Variants in CPED1 observed in about 807,000 individuals in gnomAD.
The protein encoded by CPED1 is cadherin like and PC-esterase domain containing 1.
In CPED1, 114 loss-of-function variants were observed where a neutral mutation model predicts 128.2. That is an observed-to-expected ratio of 0.89 (90% CI 0.76 to 1.04). The LOEUF (loss-of-function observed/expected upper bound fraction) is 1.04, where lower values mean the gene tolerates loss of function less well. Among genes scored for constraint, CPED1 ranks in the 50% least tolerant of loss-of-function variants. The pLI is 0.00. For missense variants in CPED1, 1,211 were observed against 1,207.1 expected, an observed-to-expected ratio of 1.00 and a Z score of -0.05; for synonymous variants, 462 against 426.7, an observed-to-expected ratio of 1.08 and a Z score of -1.02.
chr7:121,124,242 T>G lies in CPED1; in HGVS notation c.919-89T>G, dbSNP rs892400882. The G allele has an allele frequency of 7.0e-6, 9 of 1,278,816 alleles. No individual in the cohort carries two copies. In the African/African-American group the frequency reaches 1.2e-4, roughly 17 times the overall value. The allele number at this position is 1,278,816 out of a possible 1,614,324, so 79.2% of individuals were successfully genotyped here. ...TTGGGTGTGACAAGTAGAGATAACC[T>G]AGAACAATCCTTCAAATTGGTCACC... On this transcript the variant is annotated intron_variant, in intron 7 of 22. Transcript: ENST00000310396.
chr7:121,079,122 A>G (rs913209094), intron 5 of CPED1, among the ~76,000 whole-genome samples: 1 of 152,140 alleles, frequency 6.6e-6, no homozygotes, highest in Non-Finnish European at 1.5e-5. Context: ...ATCTTCACAT[A>G]CACCCATATT....
intron 3 of CPED1, among the ~76,000 whole-genome samples, chr7:121,023,503 T>C (rs970169926): frequency 6.6e-6 from 1 of 152,112 alleles, no homozygotes; most frequent in African/African-American, 2.4e-5. Flanking sequence ...AACTCTACAG[T>C]TCTGTGGTAC....
At chr7:121,156,611 G>A (rs570046577) in intron 16 of CPED1, among the ~76,000 whole-genome samples, 3 of 152,052 alleles carry the variant, frequency 2.0e-5, no homozygotes, top group Admixed American at 6.6e-5. Flanking sequence ...GCATGTTCAC[G>A]TTCATATATG....
intron 5 of CPED1, among the ~76,000 whole-genome samples, chr7:121,084,689 A>G (rs970463105): frequency 6.6e-6 from 1 of 152,258 alleles, no homozygotes; most frequent in African/African-American, 2.4e-5. Flanking sequence ...CTGAGTTTAT[A>G]TGCAAAACCA....
At chr7:121,186,045 A>T (rs1379308076) in intron 16 of CPED1, among the ~76,000 whole-genome samples, 1 of 152,164 alleles carries the variant, frequency 6.6e-6, no homozygotes, top group African/African-American at 2.4e-5. Context: ...TCCACTGGCT[A>T]TTCTTGCATA....
chr7:121,199,531 G>A (rs1479349040), intron 16 of CPED1, among the ~76,000 whole-genome samples: 1 of 151,558 alleles, frequency 6.6e-6, no homozygotes, highest in Non-Finnish European at 1.5e-5. Context: ...ACAAAAATTA[G>A]CTGGGGGTGG....
At chr7:121,093,204 C>T (rs1179958079) in intron 5 of CPED1, among the ~76,000 whole-genome samples, 2 of 152,030 alleles carry the variant, frequency 1.3e-5, no homozygotes, top group East Asian at 1.9e-4. Context: ...CTCTTTCTTC[C>T]CCACCGTAGG....
intron 4 of CPED1, among the ~76,000 whole-genome samples, chr7:121,060,097 A>AG (rs1207279000): frequency 1.3e-5 from 2 of 152,146 alleles, no homozygotes; most frequent in African/African-American, 4.8e-5. Context: ...CCGGGCAATG[A>AG]GGGGCTTAGC....
At chr7:121,247,820 C>A (rs537873822) in intron 18 of CPED1, among the ~76,000 whole-genome samples, 8 of 152,258 alleles carry the variant, frequency 5.3e-5, no homozygotes, top group African/African-American at 1.9e-4. Context: ...GGCACCCATC[C>A]CCCAAGTTTC....
chr7:121,014,784 T>C (rs1792258510), intron 2 of CPED1, among the ~76,000 whole-genome samples: 1 of 152,068 alleles, frequency 6.6e-6, no homozygotes, highest in South Asian at 2.1e-4. Context: ...CTCCACCACC[T>C]CCTTTGGCTC....
At chr7:121,170,913 G>T (rs1796637518) in intron 16 of CPED1, among the ~76,000 whole-genome samples, 1 of 151,936 alleles carries the variant, frequency 6.6e-6, no homozygotes, top group Non-Finnish European at 1.5e-5. Context: ...TAGCGGGTGT[G>T]GTGGCCCATG....
chr7:121,200,132 T>C (rs1374949525), intron 16 of CPED1, among the ~76,000 whole-genome samples: 1 of 152,178 alleles, frequency 6.6e-6, no homozygotes, highest in African/African-American at 2.4e-5. Context: ...ATGATAAACA[T>C]GCATACATGT....
At position 121,246,995 on chromosome 7, in the gene CPED1, G is replaced by A. The variant is rs933229842; in HGVS notation, c.2310+2657G>A. Among the ~76,000 whole-genome samples the A allele has an allele frequency of 1.1e-4, 17 of 152,252 alleles. 1 individual carries two copies. The highest frequency in any genetic ancestry group is 3.3e-4 in the Admixed American group (5 of 15,278). The stretch of plus-strand genomic sequence containing the variant: ...CATAGACTGATGTATTTATCAAGAC[G>A]CTAATTTATTCTATATGCAAAAGGC... On this transcript the variant is annotated intron_variant, in intron 18 of 22. Transcript: ENST00000310396.
intron 3 of CPED1, among the ~76,000 whole-genome samples, chr7:121,018,867 G>A (rs1792369191): frequency 6.6e-6 from 1 of 152,028 alleles, no homozygotes; most frequent in African/African-American, 2.4e-5. Flanking sequence ...ATGCAAACCT[G>A]CAATCAAACT....
chr7:121,002,150 T>C (rs1286108747), intron 2 of CPED1, among the ~76,000 whole-genome samples: 1 of 152,198 alleles, frequency 6.6e-6, no homozygotes, highest in Non-Finnish European at 1.5e-5. Flanking sequence ...TTGAGTTTCC[T>C]CTTGATGTTT....
At chr7:121,020,328 G>A (rs964563592) in intron 3 of CPED1, among the ~76,000 whole-genome samples, 3 of 151,918 alleles carry the variant, frequency 2.0e-5, no homozygotes, top group Non-Finnish European at 4.4e-5. Context: ...CTGGCCCACC[G>A]CCTGTTTTTG....
At chr7:121,198,793 A>G (rs1797325330) in intron 16 of CPED1, among the ~76,000 whole-genome samples, 1 of 152,164 alleles carries the variant, frequency 6.6e-6, no homozygotes, top group African/African-American at 2.4e-5. Flanking sequence ...ATGTGATTCT[A>G]TTTTAAGTTT....
chr7:121,273,899 G>A (rs113745896), intron 22 of CPED1, among the ~76,000 whole-genome samples: 2 of 152,262 alleles, frequency 1.3e-5, no homozygotes, highest in African/African-American at 4.8e-5. Context: ...AGATCTTGCA[G>A]CTGAGCCAGC....
At chr7:121,078,867 CA>C (rs1052000486) in intron 5 of CPED1, among the ~76,000 whole-genome samples, 26 of 152,274 alleles carry the variant, frequency 1.7e-4, no homozygotes, top group African/African-American at 6.0e-4. Flanking sequence ...GTGGCTTAAA[CA>C]AAAGAAATTT....
Sources: gnomAD v4.1 joint callset for allele counts (sites outside exome capture counted in the v4.1 genomes callset) on GRCh38, gnomAD v4.1.1 for gene constraint, MANE v1.5 for transcripts, NCBI Gene and HGNC (gene_info 2026-07-23, HGNC 2026-07-21) for gene names.